Variants in CFAP61 observed in about 807,000 individuals in gnomAD.
CFAP61 encodes cilia- and flagella-associated protein 61.
Under a neutral mutation model 135.6 loss-of-function variants are expected in CFAP61, and 107 were observed. The observed-to-expected ratio is 0.79, with a 90% confidence interval of 0.67 to 0.93. CFAP61 has a LOEUF of 0.93. CFAP61 is among the 40% of genes least tolerant of loss of function. The pLI, the probability that CFAP61 is intolerant of heterozygous loss-of-function variation, is 0.00. For synonymous variants in CFAP61, 575 were observed against 578.5 expected (o/e 0.99, Z 0.09); for missense variants, 1,507 against 1,556.2 (o/e 0.97, Z 0.53).
intron 9 of CFAP61, among the ~76,000 whole-genome samples, chr20:20,144,610 A>G (rs2051709661): frequency 6.6e-6 from 1 of 152,120 alleles, no homozygotes; most frequent in South Asian, 2.1e-4. Context: ...TAGGACAGAA[A>G]AAAAAAACAC....
chr20:20,216,575 G>A (rs2048051477), intron 17 of CFAP61, among the ~76,000 whole-genome samples: 1 of 152,176 alleles, frequency 6.6e-6, no homozygotes, highest in African/African-American at 2.4e-5. Context: ...CTGGGCATGG[G>A]GAAGCCTTTT....
At chr20:20,322,862 A>T in intron 25 of CFAP61, 1 of 985,296 alleles carries the variant, frequency 1.0e-6, no homozygotes, top group Non-Finnish European at 1.2e-6. Context: ...TGAAAATCAA[A>T]TTTACTAATA....
At chr20:20,141,290 A>T (rs747728613) in intron 8 of CFAP61, among the ~76,000 whole-genome samples, 4 of 152,130 alleles carry the variant, frequency 2.6e-5, no homozygotes, top group Non-Finnish European at 5.9e-5. Flanking sequence ...TGAGCTGTAC[A>T]CTTTTCATAT....
intron 15 of CFAP61, among the ~76,000 whole-genome samples, chr20:20,194,691 C>T (rs557243207): frequency 3.3e-5 from 5 of 152,244 alleles, no homozygotes; most frequent in South Asian, 4.1e-4. Flanking sequence ...GTAATGCCAC[C>T]GCCCCTCTTT....
At position 20,191,693 on chromosome 20, in the gene CFAP61, A is replaced by G. The variant is rs985243665; in HGVS notation, c.1590+274A>G. 1.3e-5 allele frequency among the ~76,000 whole-genome samples: 2 copies of G among 151,518 alleles called. 1 individual carries two copies. Among genetic ancestry groups the G allele is most frequent in the African/African-American group, 4.9e-5 (2 of 40,838 alleles). ...GCTTTCCACCACCTATACATATATT[A>G]ATATATTCCATATATTAATATGTTC... On this transcript the variant is annotated intron_variant, in intron 15 of 26. Transcript: ENST00000245957.
At chr20:20,056,858 C>T (rs2044380988) in intron 2 of CFAP61, 62 bp downstream of exon 2, 1 of 1,492,552 alleles carries the variant, frequency 6.7e-7, no homozygotes, top group South Asian at 1.2e-5. Flanking sequence ...TAGCTCACAC[C>T]TGTAATCTCA....
At chr20:20,189,283 T>C (rs1014569412) in intron 14 of CFAP61, among the ~76,000 whole-genome samples, 1 of 152,204 alleles carries the variant, frequency 6.6e-6, no homozygotes, top group Non-Finnish European at 1.5e-5. Context: ...TGCACTCTTT[T>C]AGTTCTTCAT....
intron 24 of CFAP61, among the ~76,000 whole-genome samples, chr20:20,296,004 T>G (rs1569258192): frequency 4.1e-5 from 4 of 96,820 alleles, no homozygotes; most frequent in Admixed American, 9.8e-5. Context: ...CTTCCTTCCT[T>G]CCTTCCCTCC....
At chr20:20,320,401 G>GTAATATATATAATATATGTAATATATA (rs1569293308) in intron 25 of CFAP61, among the ~76,000 whole-genome samples, 1 of 11,518 alleles carries the variant, frequency 8.7e-5, no homozygotes, top group African/African-American at 2.7e-4. Flanking sequence ...TATAATATAT[G>GTAATATATATAATATATGTAATATATA]TAATATATGT....
At chr20:20,198,643 A>G (rs1297144205) in intron 16 of CFAP61, among the ~76,000 whole-genome samples, 1 of 152,126 alleles carries the variant, frequency 6.6e-6, no homozygotes, top group Non-Finnish European at 1.5e-5. Context: ...CATTATGGGG[A>G]TGGTTTTCTC....
At chr20:20,228,522 A>G in intron 18 of CFAP61, 146 bp downstream of exon 18, 1 of 627,964 alleles carries the variant, frequency 1.6e-6, no homozygotes, top group Non-Finnish European at 2.7e-6. Context: ...AATCAGTAGA[A>G]GAATATTCTA....
At position 20,237,199 on chromosome 20, in the gene CFAP61, C is replaced by T. The variant is rs112951983; in HGVS notation, c.2060+8823C>T. 7.9e-3 allele frequency among the ~76,000 whole-genome samples: 1,201 copies of T among 152,276 alleles called. 11 individuals are homozygous for T. Among genetic ancestry groups the T allele is most frequent in the Non-Finnish European group, 0.013 (912 of 68,028 alleles). ...AGCCCCTTATCCTGGCCACCATGCC[C>T]CTCCCCTGCCAGGTCCCCGAGGACT... On this transcript the variant is annotated intron_variant, in intron 18 of 26. Coordinates refer to ENST00000245957, the MANE Select transcript of CFAP61 (RefSeq NM_015585.4).
intron 8 of CFAP61, among the ~76,000 whole-genome samples, chr20:20,142,459 G>A (rs2051483793): frequency 6.6e-6 from 1 of 152,150 alleles, no homozygotes; most frequent in African/African-American, 2.4e-5. Context: ...CACCATCGAG[G>A]AAGCTGATAA....
At chr20:20,267,945 C>T (rs1185010616) in intron 21 of CFAP61, 2 of 152,244 alleles carry the variant, frequency 1.3e-5, no homozygotes, top group Admixed American at 1.3e-4. Flanking sequence ...ACCTGCCTGT[C>T]TCATTGGCAT....
chr20:20,337,648 G>A (rs1225194894), intron 25 of CFAP61, among the ~76,000 whole-genome samples: 15 of 16,810 alleles, frequency 8.9e-4, no homozygotes, highest in Non-Finnish European at 1.6e-3. Flanking sequence ...GGATAGATGG[G>A]TGGGTGGGTG....
rs60171844 is a variant in CFAP61 at position 20,327,777 on chromosome 20, C to CAAA, written c.3423-14028_3423-14026dup. On this transcript the variant is annotated intron_variant, in intron 25 of 26. Transcript: ENST00000245957. ...CCTGGGCAACAGAGCAAGAGCCTGT[C>CAAA]AAAAAAAAAAAAAAAAAAAAAAAAA... Among the ~76,000 whole-genome samples, 45 of 60,350 alleles carry CAAA rather than the reference C, an allele frequency of 7.5e-4. 4 individuals carry two copies. The highest frequency in any genetic ancestry group is 2.1e-3 in the East Asian group (4 of 1,904). The allele number at this position is 60,350 out of a possible 152,430, so 39.6% of individuals were successfully genotyped here.
In CFAP61 at chr20:20,293,603, A is replaced by G. The variant is rs552963125; in HGVS notation, c.3216+3212A>G. Among the ~76,000 whole-genome samples the G allele has an allele frequency of 5.3e-5, 8 of 152,368 alleles. No homozygotes were observed. In the South Asian group the frequency reaches 1.7e-3, roughly 32 times the overall value. ...CGCCAGAGAAATTGAATTACTATTC[A>G]TACACTAGATATAGCACAGACAAAT... On this transcript the variant is annotated intron_variant, in intron 24 of 26. Transcript: ENST00000245957.
chr20:20,194,504 G>T (rs755844057), intron 15 of CFAP61, among the ~76,000 whole-genome samples: 4 of 152,144 alleles, frequency 2.6e-5, no homozygotes, highest in Non-Finnish European at 5.9e-5. Context: ...TTAATAATTT[G>T]TCTTCTCTGC....
At chr20:20,227,427 A>G (rs2048816268) in intron 17 of CFAP61, among the ~76,000 whole-genome samples, 1 of 152,242 alleles carries the variant, frequency 6.6e-6, no homozygotes, top group Non-Finnish European at 1.5e-5. Flanking sequence ...TGTTGAATCA[A>G]TGGATTAAAA....
Sources: gnomAD v4.1 joint callset for allele counts (sites outside exome capture counted in the v4.1 genomes callset) on GRCh38, gnomAD v4.1.1 for gene constraint, MANE v1.5 for transcripts, NCBI Gene and HGNC (gene_info 2026-07-23, HGNC 2026-07-21) for gene names.